The following SF3B6 variants were observed in gnomAD, a reference collection of about 807,000 sequenced individuals.
SF3B6 encodes the protein splicing factor 3b subunit 6.
Under a neutral mutation model 15.9 loss-of-function variants are expected in SF3B6, and 3 were observed. The observed-to-expected ratio is 0.19, with a 90% confidence interval of 0.09 to 0.49. The LOEUF (loss-of-function observed/expected upper bound fraction) is 0.49. SF3B6 is among the 20% of genes least tolerant of loss of function. SF3B6 has a pLI of 0.97. For synonymous variants in SF3B6, 49 were observed against 51.1 expected (o/e 0.96, Z 0.18); for missense variants, 71 against 154.3 (o/e 0.46, Z 2.86).
intron 1 of SF3B6, 82 bp from the exon 2 acceptor site, chr2:24,074,276 AT>A (rs1664699074): frequency 4.5e-6 from 3 of 668,064 alleles, no homozygotes; most frequent in Non-Finnish European, 7.7e-6. Flanking sequence ...AATTAGGGGC[AT>A]TTTAAAAAAT....
chr2:24,073,908 CT>C, intron 2 of SF3B6, 167 bp downstream of exon 2: 1 of 551,266 alleles, frequency 1.8e-6, no homozygotes, highest in South Asian at 2.3e-5. Flanking sequence ...AGTAGGTTTT[CT>C]CCCCCCTTCA....
chr2:24,075,585 T>TC (rs1293822590), intron 1 of SF3B6, among the ~76,000 whole-genome samples: 2 of 123,842 alleles, frequency 1.6e-5, no homozygotes, highest in Non-Finnish European at 3.1e-5. Flanking sequence ...TTTTTGAGTT[T>TC]TTTTTTTTTA....
At chr2:24,070,314 T>G (rs911710916) in intron 2 of SF3B6, among the ~76,000 whole-genome samples, 4 of 152,206 alleles carry the variant, frequency 2.6e-5, no homozygotes, top group African/African-American at 9.6e-5. Context: ...CGACTAATTT[T>G]TGTATTTTTA....
chr2:24,075,840 T>A (rs1016311240), intron 1 of SF3B6, among the ~76,000 whole-genome samples: 4 of 152,038 alleles, frequency 2.6e-5, no homozygotes, highest in African/African-American at 7.2e-5. Context: ...GAATCCCAGG[T>A]CCTAGTTGTT....
intron 2 of SF3B6, among the ~76,000 whole-genome samples, chr2:24,072,659 G>A (rs1664676225): frequency 6.6e-6 from 1 of 152,206 alleles, no homozygotes; most frequent in African/African-American, 2.4e-5. Context: ...AGTTTCGTAA[G>A]AGTAGGCAAG....
chr2:24,068,245 G>C, intron 3 of SF3B6, 76 bp downstream of exon 3: 1 of 1,444,714 alleles, frequency 6.9e-7, no homozygotes, highest in South Asian at 1.4e-5. Flanking sequence ...TTACAGGCAT[G>C]AGCCACCGCG....
chr2:24,069,044 A>G (rs1664608642), intron 2 of SF3B6, among the ~76,000 whole-genome samples: 1 of 152,150 alleles, frequency 6.6e-6, no homozygotes, highest in South Asian at 2.1e-4. Context: ...ACAGGGTTTC[A>G]TCATGTTCCC....
At chr2:24,068,942 G>A (rs1167314493) in intron 2 of SF3B6, among the ~76,000 whole-genome samples, 1 of 152,214 alleles carries the variant, frequency 6.6e-6, no homozygotes, top group Non-Finnish European at 1.5e-5. Context: ...TGCCTCTCAA[G>A]TTCAAGTGAT....
At chr2:24,074,633 T>A (rs1255817426) in intron 1 of SF3B6, among the ~76,000 whole-genome samples, 1 of 152,206 alleles carries the variant, frequency 6.6e-6, no homozygotes, top group Non-Finnish European at 1.5e-5. Context: ...GATTCTTGTT[T>A]CTTGGAGAAA....
intron 2 of SF3B6, chr2:24,073,856 A>G (rs762780751): frequency 3.4e-4 from 141 of 413,344 alleles, no homozygotes; most frequent in Non-Finnish European, 5.2e-4. Context: ...GGAAACTCAA[A>G]TCCTCTTCTT....
intron 2 of SF3B6, among the ~76,000 whole-genome samples, chr2:24,072,123 T>A (rs943817961): frequency 2.6e-4 from 39 of 152,176 alleles, no homozygotes; most frequent in Non-Finnish European, 4.1e-4. Flanking sequence ...AGTAATTGCA[T>A]TACAGGCGCG....
chr2:24,068,921 A>C (rs575613872), intron 2 of SF3B6, among the ~76,000 whole-genome samples: 47 of 152,278 alleles, frequency 3.1e-4, no homozygotes, highest in African/African-American at 1.1e-3. Flanking sequence ...ATCTCAGCTC[A>C]TTGCAACCTC....
At chr2:24,069,682 G>A (rs1263225208) in intron 2 of SF3B6, among the ~76,000 whole-genome samples, 1 of 152,166 alleles carries the variant, frequency 6.6e-6, no homozygotes, top group Non-Finnish European at 1.5e-5. Flanking sequence ...TAGGACTATA[G>A]TCTGGGCCCT....
intron 1 of SF3B6, 104 bp downstream of exon 1, chr2:24,076,096 T>C: frequency 1.4e-6 from 2 of 1,426,022 alleles, no homozygotes; most frequent in Admixed American, 3.3e-5. Context: ...ATTCTGGAGT[T>C]CTCCGCTCTG....
intron 1 of SF3B6, among the ~76,000 whole-genome samples, chr2:24,075,994 G>A (rs1193056651): frequency 1.3e-5 from 2 of 152,088 alleles, no homozygotes; most frequent in African/African-American, 2.4e-5. Context: ...TAGAGACTGA[G>A]GAACTCTCAA....
intron 1 of SF3B6, among the ~76,000 whole-genome samples, chr2:24,074,771 C>T (rs998130734): frequency 2.6e-5 from 4 of 152,182 alleles, no homozygotes; most frequent in Admixed American, 6.6e-5. Context: ...TATCATGTTT[C>T]GCACACTCTG....
At chr2:24,071,630 A>T (rs1664652629) in intron 2 of SF3B6, among the ~76,000 whole-genome samples, 1 of 152,140 alleles carries the variant, frequency 6.6e-6, no homozygotes, top group Admixed American at 6.6e-5. Context: ...TTCATACAAG[A>T]AGTAGAAAGC....
chr2:24,071,812 T>C (rs1443204892), intron 2 of SF3B6, among the ~76,000 whole-genome samples: 1 of 152,222 alleles, frequency 6.6e-6, no homozygotes, highest in East Asian at 1.9e-4. Context: ...GGTTCTGAGC[T>C]GCTCTGCACT....
intron 2 of SF3B6, among the ~76,000 whole-genome samples, chr2:24,069,299 G>A (rs1664613616): frequency 6.6e-6 from 1 of 152,246 alleles, no homozygotes; most frequent in African/African-American, 2.4e-5. Context: ...GTGGCTGGAA[G>A]TGGAAGCTAA....
Sources: allele counts gnomAD v4.1 joint callset (sites outside exome capture counted in the v4.1 genomes callset), GRCh38; gene constraint gnomAD v4.1.1; transcripts MANE v1.5; gene names NCBI Gene and HGNC (gene_info 2026-07-23, HGNC 2026-07-21).